Variants in PCDH15 observed in about 807,000 individuals in gnomAD.
PCDH15 encodes protocadherin-15.
In PCDH15, 129 loss-of-function variants were observed where a neutral mutation model predicts 178.5. The ratio of observed to expected loss-of-function variants is 0.72; its 90% CI spans 0.63 to 0.84. The LOEUF is 0.84. PCDH15 is among the 40% of genes least tolerant of loss of function. PCDH15 has a pLI of 0.00. For missense variants in PCDH15, 2,230 were observed against 2,099.9 expected, an observed-to-expected ratio of 1.06 and a Z score of -1.21; for synonymous variants, 800 against 732.0, an observed-to-expected ratio of 1.09 and a Z score of -1.50.
chr10:55,112,025 A>G (rs2132057086), intron 2 of PCDH15, among the ~76,000 whole-genome samples: 1 of 152,298 alleles, frequency 6.6e-6, no homozygotes, highest in African/African-American at 2.4e-5. Flanking sequence ...TTTTAGTAAT[A>G]AACTTTTTAG....
chr10:54,537,017 T>G (rs1450843904), intron 2 of PCDH15, among the ~76,000 whole-genome samples: 1 of 146,884 alleles, frequency 6.8e-6, no homozygotes, highest in Non-Finnish European at 1.5e-5. Flanking sequence ...TTTTTTTTTT[T>G]TGAGACGGCG....
intron 2 of PCDH15, among the ~76,000 whole-genome samples, chr10:55,411,108 T>C (rs926528612): frequency 6.6e-6 from 1 of 152,142 alleles, no homozygotes; most frequent in Admixed American, 6.6e-5. Flanking sequence ...TTCATGTCCT[T>C]AGTGTAGCAA....
At chr10:54,286,779 C>T (rs956518137) in intron 8 of PCDH15, among the ~76,000 whole-genome samples, 3 of 152,130 alleles carry the variant, frequency 2.0e-5, no homozygotes, top group African/African-American at 7.2e-5. Flanking sequence ...AGCACCACCA[C>T]CTTGCCAGGC....
intron 10 of PCDH15, among the ~76,000 whole-genome samples, chr10:54,208,440 A>G (rs1224152699): frequency 1.3e-5 from 2 of 152,064 alleles, no homozygotes; most frequent in Non-Finnish European, 2.9e-5. Flanking sequence ...TTAAGTCATG[A>G]GAATAGAGGT....
At chr10:53,867,107 T>G (rs2079517845) in intron 26 of PCDH15, among the ~76,000 whole-genome samples, 1 of 152,264 alleles carries the variant, frequency 6.6e-6, no homozygotes, top group East Asian at 1.9e-4. Flanking sequence ...GGTATAATTC[T>G]GTACCCTTTA....
chr10:54,153,399 G>A, intron 13 of PCDH15, 106 bp from the exon 14 acceptor site: 1 of 1,277,310 alleles, frequency 7.8e-7, no homozygotes, highest in Admixed American at 1.9e-5. Context: ...AAAAAACACA[G>A]GAAAGTTTCC....
At chr10:54,379,760 T>A (rs537965087) in intron 3 of PCDH15, among the ~76,000 whole-genome samples, 1 of 152,072 alleles carries the variant, frequency 6.6e-6, no homozygotes, top group Non-Finnish European at 1.5e-5. Context: ...TGCCAAATAA[T>A]AATGTACCAT....
intron 2 of PCDH15, among the ~76,000 whole-genome samples, chr10:55,121,361 G>GA (rs569435797): frequency 1.3e-5 from 2 of 150,630 alleles, no homozygotes. Context: ...TCAGAGCTGG[G>GA]GGGGGGCAAT....
intron 2 of PCDH15, among the ~76,000 whole-genome samples, chr10:55,617,497 C>T (rs1843503275): frequency 6.6e-6 from 1 of 152,016 alleles, no homozygotes; most frequent in South Asian, 2.1e-4. Flanking sequence ...CAATTAGTAT[C>T]AGTAGAATTA....
intron 3 of PCDH15, among the ~76,000 whole-genome samples, chr10:54,482,189 G>C (rs1415422931): frequency 6.6e-6 from 1 of 151,726 alleles, no homozygotes; most frequent in Admixed American, 6.6e-5. Context: ...TAAGAAAAAA[G>C]TTATTTAAAA....
intron 2 of PCDH15, among the ~76,000 whole-genome samples, chr10:55,603,487 C>T (rs1390738414): frequency 2.0e-5 from 3 of 152,010 alleles, no homozygotes; most frequent in South Asian, 2.1e-4. Flanking sequence ...TTAAGGGCAG[C>T]CAGAGAGAAA....
intron 2 of PCDH15, among the ~76,000 whole-genome samples, chr10:54,554,912 C>A (rs984533790): frequency 6.6e-6 from 1 of 152,162 alleles, no homozygotes; most frequent in Non-Finnish European, 1.5e-5. Flanking sequence ...CTGGCTATTT[C>A]TCCTCAATTT....
chr10:55,047,289 A>G (rs1203361100), intron 2 of PCDH15, among the ~76,000 whole-genome samples: 2 of 151,858 alleles, frequency 1.3e-5, no homozygotes, highest in African/African-American at 4.8e-5. Context: ...TTGGTTGCTA[A>G]TGGTAATTAA....
intron 8 of PCDH15, among the ~76,000 whole-genome samples, chr10:54,274,249 C>T (rs1156726537): frequency 2.0e-5 from 3 of 152,052 alleles, no homozygotes; most frequent in East Asian, 3.9e-4. Flanking sequence ...TACGAGTTTA[C>T]GTATGTAATG....
chr10:55,580,104 G>A (rs1039344791), intron 2 of PCDH15, among the ~76,000 whole-genome samples: 5 of 151,948 alleles, frequency 3.3e-5, no homozygotes, highest in African/African-American at 4.8e-5. Flanking sequence ...TGATCCACCC[G>A]CCTCGGCCTC....
At chr10:54,973,145 A>C (rs1383831913) in intron 2 of PCDH15, among the ~76,000 whole-genome samples, 1 of 152,146 alleles carries the variant, frequency 6.6e-6, no homozygotes, top group East Asian at 1.9e-4. Context: ...GGATTGGAAA[A>C]GGAATGCAGA....
At chr10:54,347,328 C>T (rs1441313082) in intron 5 of PCDH15, among the ~76,000 whole-genome samples, 1 of 152,114 alleles carries the variant, frequency 6.6e-6, no homozygotes, top group African/African-American at 2.4e-5. Flanking sequence ...TCCCATACCA[C>T]CCCTCAAATA....
rs560939890 is a variant in PCDH15 at position 54,233,352 on chromosome 10, T to G, written c.985+3471A>C. 3.7e-5 allele frequency among the ~76,000 whole-genome samples: 5 copies of G among 136,790 alleles called. No individual in the cohort carries two copies. In the East Asian group the frequency reaches 9.6e-4, roughly 26 times the overall value. The allele number at this position is 136,790 out of a possible 152,430, so 89.7% of individuals were successfully genotyped here. ...TACATGTTACAAAGTATTGTTATTT[T>G]TATTTGTCTCAAAGTATTTTTCTGA... On this transcript the variant is annotated intron_variant, in intron 9 of 37. Coordinates refer to ENST00000644397, the MANE Select transcript of PCDH15 (RefSeq NM_001384140.1).
intron 1 of PCDH15, among the ~76,000 whole-genome samples, chr10:55,255,538 A>G (rs1242869992): frequency 6.6e-6 from 1 of 152,218 alleles, no homozygotes; most frequent in Admixed American, 6.5e-5. Context: ...ACTGACTTCC[A>G]CAATGGTTGA....
Sources: allele counts gnomAD v4.1 joint callset (sites outside exome capture counted in the v4.1 genomes callset), GRCh38; gene constraint gnomAD v4.1.1; transcripts MANE v1.5; gene names NCBI Gene and HGNC (gene_info 2026-07-23, HGNC 2026-07-21).